The following ADGRB3 variants were observed in gnomAD, a reference collection of about 807,000 sequenced individuals.
The protein encoded by ADGRB3 is brain-specific angiogenesis inhibitor 3.
In ADGRB3, 37 loss-of-function variants were observed where a neutral mutation model predicts 193.4. The observed-to-expected ratio is 0.19, with a 90% CI of 0.15 to 0.25. The LOEUF is 0.25. ADGRB3 is among the 10% of genes least tolerant of loss of function. ADGRB3 has a pLI of 1.00. For synonymous variants in ADGRB3, 690 were observed against 644.2 expected (o/e 1.07, Z -1.08); for missense variants, 1,637 against 1,852.9 (o/e 0.88, Z 2.14).
In ADGRB3 at chr6:68,936,514, C is replaced by T. The variant is rs536488266; in HGVS notation, c.869-5C>T. On this transcript the variant is annotated splice_polypyrimidine_tract_variant and splice_region_variant and intron_variant, in intron 4 of 31. Coordinates refer to ENST00000370598, the MANE Select transcript of ADGRB3 (RefSeq NM_001704.3). Reference sequence around the variant, plus strand: ...TTTCATGTTTATTTGTTGTCTTGCACGCAGGTGAATCTGGTGTGGAAGAGT... The same window carrying T: ...TTTCATGTTTATTTGTTGTCTTGCATGCAGGTGAATCTGGTGTGGAAGAGT... 67 of 1,612,790 alleles carry T rather than the reference C, an allele frequency of 4.2e-5. No homozygotes were observed. Among genetic ancestry groups the T allele is most frequent in the Non-Finnish European group, 3.6e-5 (43 of 1,179,434 alleles).
At chr6:69,173,492 G>A (rs1251269557) in intron 17 of ADGRB3, among the ~76,000 whole-genome samples, 1 of 152,190 alleles carries the variant, frequency 6.6e-6, no homozygotes, top group African/African-American at 2.4e-5. Context: ...TAAGACAGGT[G>A]TAAGAAAATT....
intron 3 of ADGRB3, among the ~76,000 whole-genome samples, chr6:68,737,685 T>C (rs11752837): frequency 0.39 from 59,999 of 151,956 alleles, 12,355 homozygotes; most frequent in East Asian, 0.64. Flanking sequence ...TCCATGTTCC[T>C]TTATGAGCTT....
At chr6:68,700,997 TA>T (rs1765234280) in intron 3 of ADGRB3, among the ~76,000 whole-genome samples, 1 of 152,052 alleles carries the variant, frequency 6.6e-6, no homozygotes, top group Non-Finnish European at 1.5e-5. Context: ...TAAAAAACTA[TA>T]AAAAAATTTG....
intron 3 of ADGRB3, among the ~76,000 whole-genome samples, chr6:68,845,891 G>T (rs997002274): frequency 6.6e-6 from 1 of 152,164 alleles, no homozygotes; most frequent in African/African-American, 2.4e-5. Flanking sequence ...CTTTGGAACT[G>T]GGTAACAGGA....
intron 17 of ADGRB3, among the ~76,000 whole-genome samples, chr6:69,172,642 T>TAAAAAAAA (rs1582517506): frequency 1.4e-4 from 1 of 6,918 alleles, no homozygotes; most frequent in Non-Finnish European, 2.2e-4. Context: ...AGACTCTGTC[T>TAAAAAAAA]CAAAAAAAAA....
chr6:68,799,996 A>G (rs1042628692), intron 3 of ADGRB3, among the ~76,000 whole-genome samples: 17 of 152,150 alleles, frequency 1.1e-4, no homozygotes, highest in African/African-American at 3.9e-4. Flanking sequence ...AGAGTGACAA[A>G]GTCTGATTTA....
intron 17 of ADGRB3, among the ~76,000 whole-genome samples, chr6:69,191,651 T>C (rs1406242715): frequency 1.3e-5 from 2 of 152,216 alleles, no homozygotes; most frequent in African/African-American, 4.8e-5. Context: ...GAACTGCATT[T>C]GAAATACATC....
intron 25 of ADGRB3, 66 bp downstream of exon 25, chr6:69,339,080 G>C (rs1768917621): frequency 1.9e-6 from 3 of 1,540,288 alleles, no homozygotes; most frequent in Non-Finnish European, 2.7e-6. Context: ...AAAATGCTAT[G>C]ATGAAAAAAA....
chr6:69,331,768 C>G, intron 23 of ADGRB3: 1 of 985,154 alleles, frequency 1.0e-6, no homozygotes, highest in Non-Finnish European at 1.2e-6. Context: ...AATTGAAACA[C>G]CAAAGTATGG....
At chr6:68,987,535 C>T (rs1769114958) in intron 10 of ADGRB3, among the ~76,000 whole-genome samples, 1 of 152,080 alleles carries the variant, frequency 6.6e-6, no homozygotes, top group Non-Finnish European at 1.5e-5. Context: ...CATACGAACA[C>T]ATTTAAATAT....
chr6:68,767,071 AT>A (rs1562020925), intron 3 of ADGRB3, among the ~76,000 whole-genome samples: 1 of 152,100 alleles, frequency 6.6e-6, no homozygotes, highest in Non-Finnish European at 1.5e-5. Flanking sequence ...CCAGACTTCC[AT>A]TAAAATAAGC....
intron 13 of ADGRB3, among the ~76,000 whole-genome samples, chr6:69,023,795 A>G (rs1484376420): frequency 1.3e-5 from 2 of 152,156 alleles, no homozygotes; most frequent in Non-Finnish European, 2.9e-5. Flanking sequence ...CAATGAAGAC[A>G]GGAATTGCTG....
Position 68,661,337 on chromosome 6 carries a change from ATATATGTGTGTGTGTGTGTGTGTGTG to A in ADGRB3, c.757+21911_757+21936del, listed in dbSNP as rs1287946559. On this transcript the variant is annotated intron_variant, in intron 3 of 31. Transcript: ENST00000370598. ...TGTGTGTGTGTGTGTATATATATATATATATGTGTGTGTGTGTGTGTGTGTGTATATATATGTGTATACATATATAT... is the reference window on the plus strand; with the variant it reads ...TGTGTGTGTGTGTGTATATATATATATATATATATGTGTATACATATATAT... 1.6e-3 allele frequency among the ~76,000 whole-genome samples: 184 copies of A among 115,680 alleles called. 1 individual carries two copies. Among genetic ancestry groups the A allele is most frequent in the Middle Eastern group, 7.8e-3 (2 of 258 alleles). The allele number at this position is 115,680 out of a possible 152,430, so 75.9% of individuals were successfully genotyped here. A position where few individuals can be genotyped will look rare whatever the true frequency, so the allele number is the denominator to read the frequency against.
At chr6:68,739,114 C>T (rs963915020) in intron 3 of ADGRB3, among the ~76,000 whole-genome samples, 6 of 152,124 alleles carry the variant, frequency 3.9e-5, no homozygotes, top group African/African-American at 7.2e-5. Flanking sequence ...GACTTAGAAA[C>T]GTAGCGATCA....
rs151111782 is a variant in ADGRB3 at position 68,766,380 on chromosome 6, C to T, written c.757+126948C>T. On this transcript the variant is annotated intron_variant, in intron 3 of 31. Coordinates refer to ENST00000370598, the MANE Select transcript of ADGRB3 (RefSeq NM_001704.3). ...AGTATGAACTTTTTCAAGGACCATA[C>T]GTATATTGACCACTGTTTTACAGAG... 2.2e-3 allele frequency among the ~76,000 whole-genome samples: 333 copies of T among 151,922 alleles called. 2 individuals are homozygous for T. Among genetic ancestry groups the T allele is most frequent in the African/African-American group, 7.6e-3 (315 of 41,492 alleles).
At chr6:69,197,761 A>G (rs1250106599) in intron 17 of ADGRB3, among the ~76,000 whole-genome samples, 5 of 152,072 alleles carry the variant, frequency 3.3e-5, no homozygotes, top group African/African-American at 1.2e-4. Context: ...GGTAAGTATA[A>G]TATCAAGCAA....
At chr6:69,164,355 T>A (rs1401625689) in intron 17 of ADGRB3, among the ~76,000 whole-genome samples, 8 of 151,940 alleles carry the variant, frequency 5.3e-5, no homozygotes, top group Non-Finnish European at 1.0e-4. Flanking sequence ...ACTGCTACTA[T>A]TTTTTTGTCA....
At chr6:69,295,036 G>A (rs1284198689) in intron 20 of ADGRB3, among the ~76,000 whole-genome samples, 2 of 152,070 alleles carry the variant, frequency 1.3e-5, no homozygotes, top group African/African-American at 4.8e-5. Flanking sequence ...CTCTCTCACT[G>A]CAGCAAGCCT....
At chr6:68,956,263 G>A in intron 7 of ADGRB3, 75 bp downstream of exon 7, 1 of 1,424,950 alleles carries the variant, frequency 7.0e-7, no homozygotes, top group Non-Finnish European at 9.4e-7. Context: ...TCAGAACTAT[G>A]CCAGAGGGTC....
Sources: gnomAD v4.1 joint callset for allele counts (sites outside exome capture counted in the v4.1 genomes callset) on GRCh38, gnomAD v4.1.1 for gene constraint, MANE v1.5 for transcripts, NCBI Gene and HGNC (gene_info 2026-07-23, HGNC 2026-07-21) for gene names.